CNTN5: variants seen among roughly 807,000 people sequenced by gnomAD.
CNTN5 encodes the protein contactin-5.
In CNTN5, 77 loss-of-function variants were observed where a neutral mutation model predicts 129.1. That is an observed-to-expected ratio of 0.60 (90% confidence interval 0.50 to 0.72). The LOEUF (loss-of-function observed/expected upper bound fraction) is 0.72. Among genes scored for constraint, CNTN5 ranks in the 30% least tolerant of loss-of-function variants. CNTN5 has a pLI of 0.00. For synonymous variants in CNTN5, 509 were observed against 465.6 expected, an observed-to-expected ratio of 1.09 and a Z score of -1.20; for missense variants, 1,478 against 1,328.8, an observed-to-expected ratio of 1.11 and a Z score of -1.75.
chr11:99,776,207 A>C (rs910187259), intron 3 of CNTN5, among the ~76,000 whole-genome samples: 6 of 151,928 alleles, frequency 3.9e-5, no homozygotes, highest in Admixed American at 3.9e-4. Context: ...GCCCTAGAGC[A>C]TGTGACTAAC....
At chr11:99,979,751 A>G (rs1192527026) in intron 8 of CNTN5, among the ~76,000 whole-genome samples, 4 of 152,198 alleles carry the variant, frequency 2.6e-5, no homozygotes, top group Non-Finnish European at 5.9e-5. Flanking sequence ...CACTATTTAC[A>G]ATATTCTGTA....
intron 3 of CNTN5, among the ~76,000 whole-genome samples, chr11:99,744,151 A>C (rs1224867499): frequency 6.6e-6 from 1 of 152,140 alleles, no homozygotes; most frequent in East Asian, 1.9e-4. Context: ...GTGCTTCCAG[A>C]CCAGAGCATT....
At chr11:99,678,687 T>C (rs1485640578) in intron 3 of CNTN5, among the ~76,000 whole-genome samples, 1 of 152,008 alleles carries the variant, frequency 6.6e-6, no homozygotes, top group Non-Finnish European at 1.5e-5. Flanking sequence ...GTGAAAAGTT[T>C]AGAGTATAGA....
intron 1 of CNTN5, among the ~76,000 whole-genome samples, chr11:99,167,009 G>C (rs1162642696): frequency 2.0e-5 from 3 of 152,048 alleles, no homozygotes; most frequent in Non-Finnish European, 4.4e-5. Context: ...GAAAAGCTTT[G>C]CTACTTCTGA....
chr11:100,282,269 C>G (rs993767860), intron 18 of CNTN5, among the ~76,000 whole-genome samples: 1 of 152,122 alleles, frequency 6.6e-6, no homozygotes, highest in Non-Finnish European at 1.5e-5. Flanking sequence ...AAAGGACTTG[C>G]GTATTGTTAT....
chr11:99,084,948 C>T (rs1213176899), intron 1 of CNTN5, among the ~76,000 whole-genome samples: 1 of 152,018 alleles, frequency 6.6e-6, no homozygotes, highest in African/African-American at 2.4e-5. Context: ...AGTAATTAAT[C>T]AAATAGGATT....
intron 21 of CNTN5, among the ~76,000 whole-genome samples, chr11:100,336,115 G>T (rs1344958350): frequency 6.6e-6 from 1 of 152,140 alleles, no homozygotes; most frequent in Non-Finnish European, 1.5e-5. Flanking sequence ...GAACTAACTT[G>T]TCCCATTATA....
intron 3 of CNTN5, among the ~76,000 whole-genome samples, chr11:99,570,347 A>G (rs1472043247): frequency 1.3e-5 from 2 of 152,182 alleles, no homozygotes; most frequent in African/African-American, 4.8e-5. Context: ...TGTTTTTAAA[A>G]TAGGATTCTA....
chr11:100,233,058 T>G (rs1484001454), intron 16 of CNTN5, among the ~76,000 whole-genome samples: 1 of 152,106 alleles, frequency 6.6e-6, no homozygotes. Flanking sequence ...CACAAAATGT[T>G]TGAATGTCAC....
intron 7 of CNTN5, among the ~76,000 whole-genome samples, chr11:99,944,208 C>T (rs915231587): frequency 6.6e-6 from 1 of 151,904 alleles, no homozygotes; most frequent in African/African-American, 2.4e-5. Flanking sequence ...GCACTAAATG[C>T]CCATATGAGA....
intron 4 of CNTN5, among the ~76,000 whole-genome samples, chr11:99,821,850 G>A (rs531824823): frequency 5.3e-5 from 8 of 152,136 alleles, no homozygotes; most frequent in Non-Finnish European, 8.8e-5. Context: ...CTCTAGGCTG[G>A]TAACCAATTT....
intron 6 of CNTN5, among the ~76,000 whole-genome samples, chr11:99,892,702 C>G (rs1438332262): frequency 6.6e-6 from 1 of 152,074 alleles, no homozygotes; most frequent in African/African-American, 2.4e-5. Context: ...GTGTTGGTAC[C>G]AGTACCATGC....
At chr11:99,814,903 T>C (rs1946534700) in intron 3 of CNTN5, among the ~76,000 whole-genome samples, 1 of 152,122 alleles carries the variant, frequency 6.6e-6, no homozygotes, top group African/African-American at 2.4e-5. Context: ...ACAATCATGA[T>C]GGAAGGCAAA....
At chr11:99,485,108 A>G (rs1009143593) in intron 2 of CNTN5, among the ~76,000 whole-genome samples, 6 of 152,078 alleles carry the variant, frequency 3.9e-5, no homozygotes, top group African/African-American at 1.4e-4. Context: ...TATTTGATGG[A>G]TATGCTAATT....
intron 1 of CNTN5, among the ~76,000 whole-genome samples, chr11:99,196,903 A>G (rs954200120): frequency 4.6e-5 from 7 of 151,922 alleles, no homozygotes; most frequent in Non-Finnish European, 7.4e-5. Context: ...TAAAATATTA[A>G]TACAATGGAA....
At chr11:99,733,792 C>T (rs1404879007) in intron 3 of CNTN5, among the ~76,000 whole-genome samples, 1 of 152,058 alleles carries the variant, frequency 6.6e-6, no homozygotes, top group East Asian at 1.9e-4. Context: ...TTTCACACAC[C>T]AACAATCATG....
Position 99,425,253 on chromosome 11 carries a change from A to C in CNTN5, c.-71+99769A>C, listed in dbSNP as rs532115642. ...CCAAACAGTCATCAATGAAGTCCTC[A>C]CTCCAGGCCAGGGACTTCACCCAGA... On this transcript the variant is annotated intron_variant, in intron 2 of 24. Transcript: ENST00000524871. Among the ~76,000 whole-genome samples the C allele has an allele frequency of 2.6e-4, 40 of 152,092 alleles. 1 individual carries two copies. In the South Asian group the frequency reaches 7.9e-3, roughly 30 times the overall value.
chr11:99,179,566 T>C (rs537623996), intron 1 of CNTN5, among the ~76,000 whole-genome samples: 1 of 152,346 alleles, frequency 6.6e-6, no homozygotes, highest in South Asian at 2.1e-4. Flanking sequence ...AATTTTATGG[T>C]TACATTTACC....
At chr11:99,768,953 A>T (rs928330117) in intron 3 of CNTN5, among the ~76,000 whole-genome samples, 2 of 152,144 alleles carry the variant, frequency 1.3e-5, no homozygotes, top group African/African-American at 4.8e-5. Flanking sequence ...TAGAACACAA[A>T]ATAAAAACTT....
Sources: allele counts gnomAD v4.1 joint callset (sites outside exome capture counted in the v4.1 genomes callset), GRCh38; gene constraint gnomAD v4.1.1; transcripts MANE v1.5; gene names NCBI Gene and HGNC (gene_info 2026-07-23, HGNC 2026-07-21).